The following AMMECR1 variants were observed in gnomAD, a reference collection of about 807,000 sequenced individuals.
AMMECR1 encodes the protein nuclear protein AMMECR1.
AMMECR1 carries 3 observed loss-of-function variants against 22.5 expected under a neutral mutation model. The ratio of observed to expected loss-of-function variants is 0.13; its 90% CI spans 0.06 to 0.35. AMMECR1 has a LOEUF of 0.35. Among genes scored for constraint, AMMECR1 ranks in the 10% least tolerant of loss-of-function variants. The pLI is 1.00. For synonymous variants in AMMECR1, 130 were observed against 116.7 expected, an observed-to-expected ratio of 1.11 and a Z score of -0.74; for missense variants, 235 against 278.7, an observed-to-expected ratio of 0.84 and a Z score of 1.12.
intron 1 of AMMECR1, among the ~76,000 whole-genome samples, chrX:110,438,509 A>AT (rs1245689045): frequency 2.7e-5 from 3 of 111,536 alleles, no homozygotes; most frequent in Non-Finnish European, 5.6e-5. Context: ...TCCAAGTATC[A>AT]TTTTCTCAGA....
intron 2 of AMMECR1, among the ~76,000 whole-genome samples, chrX:110,378,813 C>T (rs1023981615): frequency 9.0e-5 from 10 of 111,353 alleles, no homozygotes; most frequent in Admixed American, 6.6e-4. Context: ...CCCCGACCCC[C>T]GCTGCCCACT....
chrX:110,245,745 G>A (rs1029255424), intron 2 of AMMECR1, among the ~76,000 whole-genome samples: 7 of 110,241 alleles, frequency 6.3e-5, no homozygotes, highest in African/African-American at 2.3e-4. Context: ...ATGGCAGGAT[G>A]TGAAGCTATG....
chrX:110,411,658 A>G (rs775061207), intron 2 of AMMECR1, among the ~76,000 whole-genome samples: 1 of 112,388 alleles, frequency 8.9e-6, no homozygotes, highest in East Asian at 2.8e-4. Context: ...TGCAAAGTGG[A>G]AAGGCAACAT....
intron 3 of AMMECR1, among the ~76,000 whole-genome samples, chrX:110,215,180 C>T (rs767319625): frequency 8.9e-6 from 1 of 111,830 alleles, no homozygotes; most frequent in South Asian, 3.7e-4. Context: ...TTGCAAAAAT[C>T]CTAAGATGTG....
At chrX:110,325,278 ATT>A (rs1399132500) in intron 2 of AMMECR1, among the ~76,000 whole-genome samples, 1 of 112,215 alleles carries the variant, frequency 8.9e-6, no homozygotes, top group Non-Finnish European at 1.9e-5. Context: ...CACCTGAAGC[ATT>A]TGTCATTTTT....
chrX:110,402,916 G>A (rs2068574824), intron 2 of AMMECR1, among the ~76,000 whole-genome samples: 1 of 112,169 alleles, frequency 8.9e-6, no homozygotes, highest in Non-Finnish European at 1.9e-5. Context: ...AACAACTTCT[G>A]AGGGTGTGAC....
chrX:110,208,040 C>T (rs1205482052), intron 3 of AMMECR1, among the ~76,000 whole-genome samples: 1 of 111,669 alleles, frequency 9.0e-6, no homozygotes, highest in East Asian at 2.8e-4. Context: ...ATAAAGATGG[C>T]CTGTAATCCT....
chrX:110,245,781 T>C (rs370026190), intron 2 of AMMECR1, among the ~76,000 whole-genome samples: 5 of 110,759 alleles, frequency 4.5e-5, no homozygotes, highest in African/African-American at 1.6e-4. Context: ...CCTGAAACTT[T>C]GGTCCTCCCA....
intron 1 of AMMECR1, among the ~76,000 whole-genome samples, chrX:110,284,061 G>A (rs755334533): frequency 7.2e-5 from 8 of 111,337 alleles, no homozygotes; most frequent in East Asian, 2.8e-4. Flanking sequence ...AGGAGGCGGC[G>A]GTTGCGGTGA....
At chrX:110,399,281 C>T (rs765657294) in intron 2 of AMMECR1, among the ~76,000 whole-genome samples, 2 of 112,410 alleles carry the variant, frequency 1.8e-5, no homozygotes, top group South Asian at 3.7e-4. Flanking sequence ...CTTAGAAATG[C>T]AGAAGCCTAG....
At chrX:110,340,428 C>T (rs1018181197) in intron 2 of AMMECR1, among the ~76,000 whole-genome samples, 6 of 111,767 alleles carry the variant, frequency 5.4e-5, no homozygotes, top group African/African-American at 2.0e-4. Flanking sequence ...GAAGAGGCAC[C>T]AGAACATAAG....
intron 1 of AMMECR1, among the ~76,000 whole-genome samples, chrX:110,275,255 G>A (rs1198381426): frequency 9.0e-6 from 1 of 110,922 alleles, no homozygotes; most frequent in Non-Finnish European, 1.9e-5. Flanking sequence ...TGTAGTTAAG[G>A]TTTGCCAGTG....
At chrX:110,369,862 C>G in intron 2 of AMMECR1, among the ~76,000 whole-genome samples, 1 of 111,572 alleles carries the variant, frequency 9.0e-6, no homozygotes, top group East Asian at 2.8e-4. Context: ...TCCAGAGATT[C>G]TTAGTCTGGA....
intron 1 of AMMECR1, among the ~76,000 whole-genome samples, chrX:110,275,622 G>C (rs773677659): frequency 2.7e-5 from 3 of 110,788 alleles, no homozygotes; most frequent in Admixed American, 9.6e-5. Flanking sequence ...CCTGAGGCCG[G>C]GAGTTCGAGA....
intron 1 of AMMECR1, among the ~76,000 whole-genome samples, chrX:110,304,603 G>A (rs768986891): frequency 8.9e-6 from 1 of 112,042 alleles, no homozygotes; most frequent in South Asian, 3.7e-4. Context: ...ACTACTGCTT[G>A]TGTTATTTCC....
chrX:110,320,861 C>T (rs1036280647), upstream of AMMECR1, among the ~76,000 whole-genome samples: 3 of 112,202 alleles, frequency 2.7e-5, no homozygotes, highest in Non-Finnish European at 5.6e-5. Context: ...TATCTAAGTA[C>T]TTTGTTGTAT....
chrX:110,354,855 AC>A lies in AMMECR1; in HGVS notation c.-147-37007del, dbSNP rs1400838840. ...ACCAATTCGAAATAAATAAACTTGA[AC>A]ATACGACCTGAAACTGTAAAACTAC... On this transcript the variant is annotated intron_variant, in intron 2 of 7. Coordinates refer to the AMMECR1 transcript ENST00000372057. Among the ~76,000 whole-genome samples the A allele has an allele frequency of 3.6e-5, 4 of 112,201 alleles. No individual in the cohort carries two copies. In the Admixed American group the frequency reaches 3.8e-4, roughly 11 times the overall value.
chrX:110,385,004 C>G (rs2068445307), intron 2 of AMMECR1, among the ~76,000 whole-genome samples: 1 of 110,860 alleles, frequency 9.0e-6, no homozygotes, highest in African/African-American at 3.3e-5. Context: ...AAGCCTAAGA[C>G]TATCATAGTT....
intron 2 of AMMECR1, among the ~76,000 whole-genome samples, chrX:110,340,081 A>G (rs1164469997): frequency 9.2e-6 from 1 of 108,180 alleles, no homozygotes; most frequent in African/African-American, 3.4e-5. Flanking sequence ...TCCTGGCTCC[A>G]CTACTTACTA....
Sources: gnomAD v4.1 joint callset for allele counts (sites outside exome capture counted in the v4.1 genomes callset) on GRCh38, gnomAD v4.1.1 for gene constraint, MANE v1.5 for transcripts, NCBI Gene and HGNC (gene_info 2026-07-23, HGNC 2026-07-21) for gene names.